The following MUSK variants were observed in gnomAD, a reference collection of about 807,000 sequenced individuals.
The protein encoded by MUSK is muscle, skeletal receptor tyrosine-protein kinase.
In MUSK, 55 loss-of-function variants were observed where a neutral mutation model predicts 88.7. The observed-to-expected ratio is 0.62, with a 90% CI of 0.50 to 0.78. The LOEUF (loss-of-function observed/expected upper bound fraction) is 0.78, where lower values mean the gene tolerates loss of function less well. Ranked by LOEUF, MUSK falls within the 30% of genes least tolerant of loss-of-function variation. MUSK has a pLI of 0.00. For synonymous variants in MUSK, 387 were observed against 391.9 expected (o/e 0.99, Z 0.15); for missense variants, 1,015 against 1,074.3 (o/e 0.94, Z 0.77).
At chr9:110,799,676 T>C (rs1343268075) in intron 14 of MUSK, among the ~76,000 whole-genome samples, 1 of 152,164 alleles carries the variant, frequency 6.6e-6, no homozygotes, top group Non-Finnish European at 1.5e-5. Flanking sequence ...TGTGGGGAAT[T>C]TTTAAAGAAG....
At chr9:110,713,670 G>T (rs193020834) in intron 5 of MUSK, among the ~76,000 whole-genome samples, 2 of 152,284 alleles carry the variant, frequency 1.3e-5, no homozygotes, top group Admixed American at 6.5e-5. Context: ...CATCTAAAAG[G>T]TTACAGAAAT....
intron 3 of MUSK, among the ~76,000 whole-genome samples, chr9:110,692,449 T>G (rs549526176): frequency 1.6e-4 from 25 of 152,216 alleles, no homozygotes; most frequent in African/African-American, 5.3e-4. Context: ...ATCGAGATTA[T>G]AGGAGTGAGC....
At chr9:110,751,565 T>C (rs2077248222) in intron 7 of MUSK, among the ~76,000 whole-genome samples, 2 of 152,204 alleles carry the variant, frequency 1.3e-5, no homozygotes, top group South Asian at 4.1e-4. Flanking sequence ...GAAGAGCAGT[T>C]ATCTCTGTAG....
At chr9:110,725,511 G>A (rs1185661881) in intron 5 of MUSK, among the ~76,000 whole-genome samples, 1 of 151,924 alleles carries the variant, frequency 6.6e-6, no homozygotes, top group Non-Finnish European at 1.5e-5. Context: ...CTTGGATGTT[G>A]AAGTGAAGTG....
chr9:110,670,908 T>G (rs1252258310), intron 1 of MUSK, among the ~76,000 whole-genome samples: 1 of 152,114 alleles, frequency 6.6e-6, no homozygotes, highest in Non-Finnish European at 1.5e-5. Context: ...CCTTAAAATT[T>G]TAAATGTTGA....
In MUSK at chr9:110,701,654, T is replaced by A. The variant is rs1350247869; in HGVS notation, c.628+4188T>A. Among the ~76,000 whole-genome samples the A allele has an allele frequency of 4.3e-3, 18 of 4,158 alleles. 7 individuals are homozygous for A. Among genetic ancestry groups the A allele is most frequent in the South Asian group, 7.2e-3 (2 of 278 alleles). The allele number at this position is 4,158 out of a possible 152,430, so 2.7% of individuals were successfully genotyped here. ...GGTGTGCACTACTGTGCTCAGCTATTTATTTTATTTATTTTATTTTATTTT... is the reference window on the plus strand; with the variant it reads ...GGTGTGCACTACTGTGCTCAGCTATATATTTTATTTATTTTATTTTATTTT... On this transcript the variant is annotated intron_variant, in intron 5 of 14. Coordinates refer to ENST00000374448, the MANE Select transcript of MUSK (RefSeq NM_005592.4).
chr9:110,786,041 G>A (rs1192375721), intron 13 of MUSK, among the ~76,000 whole-genome samples: 1 of 150,514 alleles, frequency 6.6e-6, no homozygotes, highest in South Asian at 2.1e-4. Context: ...GCCAGGTGCG[G>A]TGGCTCGTGC....
chr9:110,691,568 C>T (rs2076356160), intron 3 of MUSK, among the ~76,000 whole-genome samples: 1 of 152,034 alleles, frequency 6.6e-6, no homozygotes, highest in African/African-American at 2.4e-5. Flanking sequence ...ACTGCCTTAC[C>T]AGCATCTTTA....
chr9:110,694,393 A>C (rs1309445109), intron 3 of MUSK, among the ~76,000 whole-genome samples: 1 of 144,404 alleles, frequency 6.9e-6, no homozygotes, highest in Admixed American at 6.7e-5. Context: ...CTCAAAAAAA[A>C]AAAAAAAAAA....
At chr9:110,789,837 G>A (rs1588044907) in intron 14 of MUSK, among the ~76,000 whole-genome samples, 2 of 152,312 alleles carry the variant, frequency 1.3e-5, no homozygotes, top group South Asian at 4.1e-4. Flanking sequence ...TGATCCACAT[G>A]AAGTTAAGGA....
chr9:110,740,048 C>T (rs1453900341), intron 6 of MUSK, among the ~76,000 whole-genome samples: 1 of 152,056 alleles, frequency 6.6e-6, no homozygotes, highest in African/African-American at 2.4e-5. Context: ...TTAATGCAAG[C>T]ATCACAACAA....
At chr9:110,690,018 A>AT (rs2076300112) in intron 3 of MUSK, among the ~76,000 whole-genome samples, 1 of 91,160 alleles carries the variant, frequency 1.1e-5, no homozygotes, top group Non-Finnish European at 1.8e-5. Context: ...TAAATATATA[A>AT]TATATATTAT....
intron 7 of MUSK, among the ~76,000 whole-genome samples, chr9:110,760,586 G>A (rs1294094695): frequency 6.6e-6 from 1 of 151,558 alleles, no homozygotes; most frequent in African/African-American, 2.4e-5. Context: ...AGAAAGGAGA[G>A]GATTAGGAAA....
At chr9:110,737,139 A>G (rs1399532594) in intron 6 of MUSK, among the ~76,000 whole-genome samples, 1 of 151,910 alleles carries the variant, frequency 6.6e-6, no homozygotes, top group Admixed American at 6.6e-5. Flanking sequence ...TTTTTTTCAA[A>G]ATTTTAATTT....
intron 1 of MUSK, among the ~76,000 whole-genome samples, chr9:110,682,425 A>T (rs1258991404): frequency 6.6e-6 from 1 of 151,922 alleles, no homozygotes. Context: ...TAAAACTTGG[A>T]TCTGCCTCTC....
intron 14 of MUSK, among the ~76,000 whole-genome samples, chr9:110,797,056 T>C (rs1399222524): frequency 1.4e-5 from 1 of 69,852 alleles, no homozygotes; most frequent in African/African-American, 6.3e-5. Context: ...GCATGGCACA[T>C]GTATACATAT....
intron 5 of MUSK, chr9:110,706,193 A>G (rs774458700): frequency 2.0e-5 from 9 of 442,364 alleles, no homozygotes. Flanking sequence ...AATCAACCAT[A>G]TTGGCTCATA....
At chr9:110,785,809 G>A (rs551040361) in intron 13 of MUSK, 91 bp downstream of exon 13, 13 of 739,620 alleles carry the variant, frequency 1.8e-5, no homozygotes, top group Non-Finnish European at 2.6e-5. Flanking sequence ...TATAATATTA[G>A]CTTTATATAT....
chr9:110,789,577 G>A (rs899866506), intron 14 of MUSK, among the ~76,000 whole-genome samples: 3 of 152,284 alleles, frequency 2.0e-5, no homozygotes, highest in South Asian at 2.1e-4. Flanking sequence ...TCAGGAATTC[G>A]AGACTAGCCT....
Sources: allele counts gnomAD v4.1 joint callset (sites outside exome capture counted in the v4.1 genomes callset), GRCh38; gene constraint gnomAD v4.1.1; transcripts MANE v1.5; gene names NCBI Gene and HGNC (gene_info 2026-07-23, HGNC 2026-07-21).